The following TUBGCP3 variants were observed in gnomAD, a reference collection of about 807,000 sequenced individuals.
TUBGCP3 encodes tubulin gamma complex component 3, also known as gamma-tubulin complex component 3.
In TUBGCP3, 50 loss-of-function variants were observed where a neutral mutation model predicts 123.1. The ratio of observed to expected loss-of-function variants is 0.41; its 90% CI spans 0.32 to 0.51. TUBGCP3 has a LOEUF of 0.51. Among genes scored for constraint, TUBGCP3 ranks in the 20% least tolerant of loss-of-function variants. TUBGCP3 has a pLI of 0.36. For synonymous variants in TUBGCP3, 405 were observed against 413.9 expected (o/e 0.98, Z 0.26); for missense variants, 882 against 1,127.0 (o/e 0.78, Z 3.11).
At chr13:112,551,040 A>G (rs777878959) in intron 8 of TUBGCP3, among the ~76,000 whole-genome samples, 64 of 152,036 alleles carry the variant, frequency 4.2e-4, no homozygotes, top group Non-Finnish European at 7.6e-4. Flanking sequence ...CGGAGCTTGC[A>G]GTGAGCCGAG....
rs564072330 is a variant in TUBGCP3 at position 112,564,644 on chromosome 13, C to T, written c.252+467G>A. ...CAGCCTGGGGAACACAGCGAAGCTG[C>T]GTCTCAAAAGAAAAAAAAAAGGTTA... On this transcript the variant is annotated intron_variant, in intron 3 of 21. Coordinates refer to ENST00000261965, the MANE Select transcript of TUBGCP3 (RefSeq NM_006322.6). 6.6e-5 allele frequency among the ~76,000 whole-genome samples: 10 copies of T among 151,830 alleles called. No individual in the cohort carries two copies. The South Asian group carries it at 2.1e-3, about 32-fold the overall frequency.
At position 112,505,192 on chromosome 13, in the gene TUBGCP3, G is replaced by A. The variant is rs1241890969; in HGVS notation, c.2087-478C>T. 2.0e-5 allele frequency among the ~76,000 whole-genome samples: 3 copies of A among 152,176 alleles called. 1 individual carries two copies. Among genetic ancestry groups the A allele is most frequent in the African/African-American group, 4.8e-5 (2 of 41,436 alleles). On this transcript the variant is annotated intron_variant, in intron 17 of 21. Transcript: ENST00000261965. ...AGGAGCCTCGAGGGAGGTCAGCGAC[G>A]AGCTCAGACTCTCCTTTTATCCTTT...
the TUBGCP3 span, among the ~76,000 whole-genome samples, chr13:112,594,801 T>C: frequency 6.6e-6 from 1 of 152,262 alleles, no homozygotes; most frequent in African/African-American, 2.4e-5. Context: ...TACGTATTTC[T>C]CTTGATCCTT....
At chr13:112,491,981 T>C (rs1029137868) in intron 20 of TUBGCP3, among the ~76,000 whole-genome samples, 2 of 152,264 alleles carry the variant, frequency 1.3e-5, no homozygotes, top group African/African-American at 4.8e-5. Context: ...TTCATATTTA[T>C]ACCATGCTTT....
intron 20 of TUBGCP3, among the ~76,000 whole-genome samples, chr13:112,496,315 C>A (rs1432045716): frequency 6.6e-6 from 1 of 152,188 alleles, no homozygotes; most frequent in Non-Finnish European, 1.5e-5. Flanking sequence ...CCTTTGGAGT[C>A]CCCCACACAA....
intron 19 of TUBGCP3, among the ~76,000 whole-genome samples, chr13:112,501,865 T>TC (rs1880928780): frequency 1.3e-5 from 2 of 152,032 alleles, no homozygotes; most frequent in Non-Finnish European, 2.9e-5. Context: ...GAAGATTTTC[T>TC]CCCCCGGATA....
intron 21 of TUBGCP3, among the ~76,000 whole-genome samples, chr13:112,487,877 A>C (rs1879783531): frequency 1.3e-5 from 2 of 152,192 alleles, no homozygotes. Flanking sequence ...CATGCCTGTA[A>C]TCCCAGCACT....
At position 112,573,657 on chromosome 13, in the gene TUBGCP3, A is replaced by C. The variant is rs17121272; in HGVS notation, c.77-4398T>G. ...CAGCAAAAGAACGTCAAGGGTCAGG[A>C]AGAAATCTTTCAGAAAGCCTCCACC... On this transcript the variant is annotated intron_variant, in intron 1 of 21. Coordinates refer to ENST00000261965, the MANE Select transcript of TUBGCP3 (RefSeq NM_006322.6). Among the ~76,000 whole-genome samples the C allele has an allele frequency of 7.6e-3, 1,159 of 152,338 alleles. 43 individuals carry two copies. Among genetic ancestry groups the C allele is most frequent in the Admixed American group, 0.069 (1,052 of 15,308 alleles).
chr13:112,598,973 A>G, the TUBGCP3 span, among the ~76,000 whole-genome samples: 1 of 150,338 alleles, frequency 6.7e-6, no homozygotes, highest in Non-Finnish European at 1.5e-5. Context: ...GTAAATTATT[A>G]GACAATAAAA....
At chr13:112,581,248 G>A (rs1217312444) in intron 1 of TUBGCP3, among the ~76,000 whole-genome samples, 1 of 152,178 alleles carries the variant, frequency 6.6e-6, no homozygotes, top group Admixed American at 6.5e-5. Flanking sequence ...CACTGTGTCA[G>A]CAAGGATCCA....
intron 11 of TUBGCP3, among the ~76,000 whole-genome samples, chr13:112,533,780 GTTCT>G (rs1310103850): frequency 2.7e-5 from 4 of 145,814 alleles, no homozygotes; most frequent in Admixed American, 7.0e-5. Context: ...ATAAAGCAGA[GTTCT>G]TTCTAAGAGA....
intron 19 of TUBGCP3, among the ~76,000 whole-genome samples, chr13:112,503,048 A>C (rs903638408): frequency 6.6e-6 from 1 of 152,188 alleles, no homozygotes; most frequent in Admixed American, 6.5e-5. Context: ...GATGAAGTAA[A>C]GGCCCTGAAG....
chr13:112,569,342 A>G (rs1881224315), intron 1 of TUBGCP3, 83 bp from the exon 2 acceptor site: 4 of 1,211,346 alleles, frequency 3.3e-6, no homozygotes, highest in Non-Finnish European at 4.8e-6. Context: ...AAGACAGTGA[A>G]CTAGTAATAA....
At chr13:112,498,165 A>C (rs1480628332) in intron 20 of TUBGCP3, among the ~76,000 whole-genome samples, 1 of 152,176 alleles carries the variant, frequency 6.6e-6, no homozygotes, top group African/African-American at 2.4e-5. Context: ...ATAAACATAC[A>C]TATAAGGTCT....
intron 1 of TUBGCP3, among the ~76,000 whole-genome samples, chr13:112,582,406 A>T (rs912073885): frequency 6.6e-6 from 1 of 152,316 alleles, no homozygotes; most frequent in South Asian, 2.1e-4. Context: ...CGTCAAAGAA[A>T]ATGAGGGCAC....
At chr13:112,574,599 G>C (rs564712157) in intron 1 of TUBGCP3, among the ~76,000 whole-genome samples, 4 of 152,326 alleles carry the variant, frequency 2.6e-5, no homozygotes, top group African/African-American at 9.6e-5. Context: ...AAACAAACAG[G>C]ATTGACTTGA....
intron 1 of TUBGCP3, among the ~76,000 whole-genome samples, chr13:112,575,842 C>G (rs780660796): frequency 3.5e-4 from 52 of 150,306 alleles, no homozygotes; most frequent in Non-Finnish European, 6.2e-4. Context: ...ACACATGGGC[C>G]AAGGAGCCAA....
At chr13:112,527,978 A>G (rs937340379) in intron 11 of TUBGCP3, among the ~76,000 whole-genome samples, 2 of 152,198 alleles carry the variant, frequency 1.3e-5, no homozygotes, top group Non-Finnish European at 2.9e-5. Flanking sequence ...CTTGCTGTAC[A>G]TGTACCCATG....
Position 112,489,681 on chromosome 13 carries a change from G to A in TUBGCP3, c.2465C>T (p.Thr822Met), listed in dbSNP as rs138230306. The change falls in exon 21 of 22, where the codon ACG becomes ATG. Residue 822 changes from threonine to methionine, a missense_variant. Physicochemically the swap from Thr to Met is moderately conservative, Grantham distance 81. This residue lies in a region of TUBGCP3 where 160 missense variants were observed against 220.3 expected (regional missense o/e 0.73). Coordinates refer to ENST00000261965, the MANE Select transcript of TUBGCP3 (RefSeq NM_006322.6). ...QREIEGQWGV[T>M]AAEEEEENKR... ...ATTTTCCTCCTCTTCCTCTGCTGCC[G>A]TCACTCCCCACTGGCCCTGAACAAT... is the stretch of plus-strand genomic sequence containing the variant. The A allele has an allele frequency of 4.0e-5, 64 of 1,613,778 alleles. No individual in the cohort carries two copies. Among genetic ancestry groups the A allele is most frequent in the African/African-American group, 8.0e-5 (6 of 74,864 alleles).
Sources: gnomAD v4.1 joint callset for allele counts (sites outside exome capture counted in the v4.1 genomes callset) on GRCh38, gnomAD v4.1.1 for gene constraint, gnomAD v4.1.1 regional missense constraint, MANE v1.5 for transcripts, NCBI Gene and HGNC (gene_info 2026-07-23, HGNC 2026-07-21) for gene names.